Variants in CHSY3 observed in about 807,000 individuals in gnomAD.
CHSY3 encodes the protein chondroitin sulfate synthase 3, also known as N-acetylgalactosaminyl-proteoglycan 3-beta-glucuronosyltransferase 3.
In CHSY3, 35 loss-of-function variants were observed where a neutral mutation model predicts 67.2. The ratio of observed to expected loss-of-function variants is 0.52; its 90% CI spans 0.40 to 0.69. CHSY3 has a LOEUF of 0.69. Ranked by LOEUF, CHSY3 falls within the 30% of genes least tolerant of loss-of-function variation. CHSY3 has a pLI of 0.00. For synonymous variants in CHSY3, 474 were observed against 434.7 expected (o/e 1.09, Z -1.12); for missense variants, 1,069 against 1,138.5 (o/e 0.94, Z 0.88).
intron 2 of CHSY3, among the ~76,000 whole-genome samples, chr5:130,087,024 C>G (rs1033559741): frequency 6.6e-5 from 10 of 152,110 alleles, no homozygotes; most frequent in African/African-American, 2.4e-4. Context: ...CCACCATGAT[C>G]AAGTGGGCTT....
chr5:130,097,365 C>T (rs1767084070), intron 2 of CHSY3, among the ~76,000 whole-genome samples: 1 of 152,214 alleles, frequency 6.6e-6, no homozygotes, highest in Non-Finnish European at 1.5e-5. Context: ...TCGCCTCCCT[C>T]TGTGAGCAGC....
At chr5:130,025,874 G>T (rs768648744) in intron 2 of CHSY3, among the ~76,000 whole-genome samples, 1 of 152,088 alleles carries the variant, frequency 6.6e-6, no homozygotes, top group Non-Finnish European at 1.5e-5. Context: ...ACACAAACCT[G>T]CAGTCTATAG....
chr5:130,159,405 T>C (rs1769465056), intron 2 of CHSY3, among the ~76,000 whole-genome samples: 1 of 152,118 alleles, frequency 6.6e-6, no homozygotes, highest in Non-Finnish European at 1.5e-5. Context: ...GCTCAAGGGA[T>C]CTGCCTATTT....
At chr5:129,976,765 T>G (rs1762819647) in intron 2 of CHSY3, among the ~76,000 whole-genome samples, 1 of 151,934 alleles carries the variant, frequency 6.6e-6, no homozygotes, top group African/African-American at 2.4e-5. Flanking sequence ...CCAAAAAACA[T>G]TTGTTAAAAA....
chr5:130,069,535 C>A (rs1180528901), intron 2 of CHSY3, among the ~76,000 whole-genome samples: 2 of 151,904 alleles, frequency 1.3e-5, no homozygotes, highest in Admixed American at 6.6e-5. Context: ...TTACATGGAA[C>A]AATTTTCTCA....
At chr5:129,970,558 T>A (rs1762612292) in intron 2 of CHSY3, among the ~76,000 whole-genome samples, 1 of 151,848 alleles carries the variant, frequency 6.6e-6, no homozygotes. Flanking sequence ...TAGATAAAAG[T>A]GTAATCTTAT....
intron 2 of CHSY3, among the ~76,000 whole-genome samples, chr5:130,046,129 C>T (rs1259825665): frequency 2.0e-5 from 3 of 152,032 alleles, no homozygotes; most frequent in Non-Finnish European, 4.4e-5. Context: ...AGTACCGGCT[C>T]GGGGAGGCTA....
intron 2 of CHSY3, among the ~76,000 whole-genome samples, chr5:129,917,491 T>G (rs1269652708): frequency 2.0e-5 from 3 of 152,208 alleles, no homozygotes; most frequent in African/African-American, 7.2e-5. Flanking sequence ...CTACTAGCTA[T>G]TTTTGCAGAA....
rs565540680 is a variant in CHSY3 at position 129,921,080 on chromosome 5, A to C, written c.1086+12720A>C. ...AGTGATCTGCCTGCATTGGCTTCCC[A>C]AAGTGTTAAGATTATAGGCGTGAAC... is the stretch of plus-strand genomic sequence containing the variant. On this transcript the variant is annotated intron_variant, in intron 2 of 2. Transcript: ENST00000305031. Among the ~76,000 whole-genome samples the C allele has an allele frequency of 3.3e-5, 5 of 152,314 alleles. No individual in the cohort carries two copies. In the East Asian group the frequency reaches 9.6e-4, roughly 29 times the overall value.
intron 2 of CHSY3, among the ~76,000 whole-genome samples, chr5:130,172,303 T>A (rs1293638095): frequency 2.7e-5 from 1 of 37,058 alleles, no homozygotes; most frequent in Non-Finnish European, 7.0e-5. Context: ...ATTTAACTCT[T>A]TTTTTTCTTT....
At chr5:130,055,279 TA>T (rs200891155) in intron 2 of CHSY3, among the ~76,000 whole-genome samples, 8,118 of 139,952 alleles carry the variant, frequency 0.058, 253 homozygotes, top group African/African-American at 0.09. Flanking sequence ...TTGCCCCTTG[TA>T]AAAAAAAAAA....
chr5:130,090,063 G>A (rs1415771928), intron 2 of CHSY3, among the ~76,000 whole-genome samples: 5 of 152,100 alleles, frequency 3.3e-5, no homozygotes, highest in South Asian at 2.1e-4. Flanking sequence ...TAGTTCCCGC[G>A]GCTTGCCTTC....
chr5:130,114,781 C>T (rs920614604), intron 2 of CHSY3, among the ~76,000 whole-genome samples: 2 of 152,148 alleles, frequency 1.3e-5, no homozygotes, highest in African/African-American at 4.8e-5. Flanking sequence ...CCCTTCCAAG[C>T]TGTCAGTTTA....
At chr5:130,011,635 A>G (rs1390133674) in intron 2 of CHSY3, among the ~76,000 whole-genome samples, 6 of 152,212 alleles carry the variant, frequency 3.9e-5, no homozygotes, top group African/African-American at 1.4e-4. Context: ...CAATCAAGCA[A>G]AAGAAAGAAA....
intron 2 of CHSY3, among the ~76,000 whole-genome samples, chr5:129,954,662 C>G (rs1370785611): frequency 6.6e-6 from 1 of 152,004 alleles, no homozygotes; most frequent in Non-Finnish European, 1.5e-5. Context: ...TTTCCTTGAG[C>G]AGTGGTTTCT....
rs200259199 is a variant in CHSY3 at position 130,184,401 on chromosome 5, G to T, written c.1259G>T (p.Arg420Leu). The T allele has an allele frequency of 6.2e-6, 10 of 1,613,354 alleles. No homozygotes were observed. The highest frequency in any genetic ancestry group is 1.7e-6 in the Non-Finnish European group (2 of 1,179,484). Residue 420 changes from arginine (R) to leucine (L), a missense_variant, in exon 3 of 3, where the codon CGC becomes CTC. By Grantham distance (102) the Arg-to-Leu change is moderately radical (BLOSUM62 -2). Transcript: ENST00000305031. ...CGCAAAATTTCTGAACTTCGCTACCGCACCATCCAGCTCCACAGGGAAAGT... is the reference window on the plus strand; with the variant it reads ...CGCAAAATTTCTGAACTTCGCTACCTCACCATCCAGCTCCACAGGGAAAGT... ...LSRKISELRY[R>L]TIQLHRESAL...
chr5:129,952,998 T>C (rs755300821), intron 2 of CHSY3, among the ~76,000 whole-genome samples: 25 of 152,224 alleles, frequency 1.6e-4, no homozygotes, highest in Non-Finnish European at 3.7e-4. Context: ...TTTTAAATTA[T>C]ACTTCAAGTT....
chr5:130,080,741 T>A (rs1766418823), intron 2 of CHSY3, among the ~76,000 whole-genome samples: 1 of 152,114 alleles, frequency 6.6e-6, no homozygotes, highest in Non-Finnish European at 1.5e-5. Flanking sequence ...TACTGTGTGA[T>A]CATAGTCAAT....
intron 2 of CHSY3, among the ~76,000 whole-genome samples, chr5:130,000,735 T>C (rs1157750554): frequency 8.7e-4 from 104 of 119,930 alleles, no homozygotes; most frequent in African/African-American, 2.5e-3. Flanking sequence ...TTTTCTTCTT[T>C]TTTTTTTTTT....
Sources: allele counts gnomAD v4.1 joint callset (sites outside exome capture counted in the v4.1 genomes callset), GRCh38; gene constraint gnomAD v4.1.1; transcripts MANE v1.5; gene names NCBI Gene and HGNC (gene_info 2026-07-23, HGNC 2026-07-21).